BRAF: variants seen among roughly 807,000 people sequenced by gnomAD.
BRAF encodes the protein serine/threonine-protein kinase B-raf.
Under a neutral mutation model 104.6 loss-of-function variants are expected in BRAF, and 16 were observed. The observed-to-expected ratio is 0.15, with a 90% CI of 0.10 to 0.23. The LOEUF is 0.23. BRAF is among the 10% of genes least tolerant of loss of function. The pLI, the probability that BRAF is intolerant of heterozygous loss-of-function variation, is 1.00. For missense variants in BRAF, 541 were observed against 937.3 expected (o/e 0.58, Z 5.52); for synonymous variants, 310 against 341.6 (o/e 0.91, Z 1.02).
chr7:140,731,723 A>G (rs1795978736), intron 19 of BRAF: 1 of 152,224 alleles, frequency 6.6e-6, no homozygotes, highest in South Asian at 2.1e-4. Context: ...CTAGTGTAAT[A>G]CCTGAAAATA....
chr7:140,821,510 GC>G (rs779498995), intron 3 of BRAF, among the ~76,000 whole-genome samples: 3 of 149,698 alleles, frequency 2.0e-5, no homozygotes, highest in Non-Finnish European at 3.0e-5. Flanking sequence ...CACCATGTTG[GC>G]CAGGCTGGTC....
At chr7:140,916,226 T>A (rs573012159) in intron 1 of BRAF, among the ~76,000 whole-genome samples, 1 of 152,224 alleles carries the variant, frequency 6.6e-6, no homozygotes, top group Non-Finnish European at 1.5e-5. Flanking sequence ...CATTTTACAC[T>A]GTAGGGATAA....
intron 1 of BRAF, among the ~76,000 whole-genome samples, chr7:140,906,943 T>C (rs1165719273): frequency 2.6e-5 from 4 of 152,224 alleles, no homozygotes; most frequent in African/African-American, 9.6e-5. Flanking sequence ...CTTAAATCAA[T>C]CAACTGGTTT....
intron 3 of BRAF, among the ~76,000 whole-genome samples, chr7:140,811,629 C>A (rs1211530424): frequency 6.6e-6 from 1 of 152,132 alleles, no homozygotes; most frequent in African/African-American, 2.4e-5. Flanking sequence ...GCAAAGTAGG[C>A]AGGCTCTCAG....
chr7:140,870,034 AATC>A (rs1274096633), intron 1 of BRAF, among the ~76,000 whole-genome samples: 1 of 152,242 alleles, frequency 6.6e-6, no homozygotes, highest in African/African-American at 2.4e-5. Flanking sequence ...AGGAAAGAGT[AATC>A]ATCATTGCAT....
At chr7:140,757,523 C>G (rs576438087) in intron 14 of BRAF, among the ~76,000 whole-genome samples, 1 of 152,136 alleles carries the variant, frequency 6.6e-6, no homozygotes, top group Admixed American at 6.5e-5. Context: ...CTCTTGACCT[C>G]GTGATCTGCC....
At chr7:140,747,549 A>G in intron 17 of BRAF, 1 of 392,200 alleles carries the variant, frequency 2.5e-6, no homozygotes, top group South Asian at 2.6e-5. Context: ...TATTGTACTA[A>G]GATAAACGTA....
intron 3 of BRAF, among the ~76,000 whole-genome samples, chr7:140,816,644 C>A (rs1804912517): frequency 6.6e-6 from 1 of 152,014 alleles, no homozygotes; most frequent in African/African-American, 2.4e-5. Flanking sequence ...GTTTACAAAC[C>A]CCAGGGTATG....
intron 14 of BRAF, among the ~76,000 whole-genome samples, chr7:140,772,259 C>CA (rs1799916807): frequency 7.1e-6 from 1 of 141,494 alleles, no homozygotes. Flanking sequence ...CTGATTAAAA[C>CA]AGATTGTTTA....
chr7:140,737,731 A>G (rs1796557993), intron 18 of BRAF, among the ~76,000 whole-genome samples: 2 of 152,214 alleles, frequency 1.3e-5, no homozygotes, highest in Non-Finnish European at 2.9e-5. Context: ...CATATTTTAT[A>G]AAACATATAG....
At chr7:140,826,083 C>T (rs1267610) in intron 3 of BRAF, among the ~76,000 whole-genome samples, 62,628 of 152,012 alleles carry the variant, frequency 0.41, 18,081 homozygotes, top group African/African-American at 0.83. Flanking sequence ...TCTCTTTCTT[C>T]ACTTTCCAGA....
Position 140,924,612 on chromosome 7 carries a change from G to C in BRAF, c.92C>G (p.Ala31Gly), listed in dbSNP as rs397516906. 8.9e-5 allele frequency: 136 copies of C among 1,527,748 alleles called. No homozygotes were observed. The highest frequency in any genetic ancestry group is 1.1e-4 in the Non-Finnish European group (128 of 1,143,560). The allele number at this position is 1,527,748 out of a possible 1,614,324, so 94.6% of individuals were successfully genotyped here. ...CGCAGCCGAAGAGGCCGCGGCGCCGGCGCCGGCGCCGGCCTCGGGCTCCAT... is the reference window on the plus strand; with the variant it reads ...CGCAGCCGAAGAGGCCGCGGCGCCGCCGCCGGCGCCGGCCTCGGGCTCCAT... ...GDMEPEAGAG[A>G]GAAASSAADP... Residue 31 changes from alanine (A) to glycine (G), a missense_variant, in exon 1 of 20, where the codon GCC (alanine) becomes GGC (glycine). Ala to Gly is a moderately conservative substitution (Grantham distance 60, BLOSUM62 0). Transcript: ENST00000644969. The surrounding 1 kb of genome is among the most constrained non-coding windows in gnomAD (Gnocchi z 4.2).
rs1797822049 is a variant in BRAF at position 140,751,914 on chromosome 7, C to CCCCCT, written c.1980+1360_1980+1361insAGGGG. Among the ~76,000 whole-genome samples the CCCCCT allele has an allele frequency of 2.0e-5, 3 of 152,176 alleles. No homozygotes were observed. The South Asian group carries it at 6.2e-4, about 32-fold the overall frequency. The stretch of plus-strand genomic sequence containing the variant: ...AAGTTATTTAAAGCTTAGAATTGCA[C>CCCCCT]TAAGACTTTTGGAAAGGCTGTATTC... On this transcript the variant is annotated intron_variant, in intron 16 of 19. Transcript: ENST00000644969.
intron 3 of BRAF, among the ~76,000 whole-genome samples, chr7:140,833,624 C>A (rs777588540): frequency 1.3e-5 from 2 of 152,082 alleles, no homozygotes; most frequent in Non-Finnish European, 2.9e-5. Flanking sequence ...ATTTGTAATT[C>A]TGTACAATGA....
chr7:140,844,953 T>G (rs1808391335), intron 2 of BRAF, among the ~76,000 whole-genome samples: 2 of 150,208 alleles, frequency 1.3e-5, no homozygotes, highest in Admixed American at 6.6e-5. Context: ...GGATCCTGAA[T>G]AGCCAAAACA....
chr7:140,760,820 G>A (rs1472173542), intron 14 of BRAF, among the ~76,000 whole-genome samples: 7 of 152,174 alleles, frequency 4.6e-5, no homozygotes, highest in East Asian at 3.9e-4. Flanking sequence ...GAAATGAAGC[G>A]AGAAGGGAAG....
rs1367852296 is a variant in BRAF at position 140,863,193 on chromosome 7, A to T, written c.139-12981T>A. Among the ~76,000 whole-genome samples, 3 of 152,332 alleles carry T rather than the reference A, an allele frequency of 2.0e-5. No homozygotes were observed. The South Asian group carries it at 6.2e-4, about 32-fold the overall frequency. The stretch of plus-strand genomic sequence containing the variant: ...AAATGATTCACCAGGTTAAAAAAAA[A>T]AACTGATTTTTTAAGGCACTATTTT... On this transcript the variant is annotated intron_variant, in intron 1 of 19. Coordinates refer to ENST00000644969, the MANE Select transcript of BRAF (RefSeq NM_001374258.1).
intron 14 of BRAF, among the ~76,000 whole-genome samples, chr7:140,768,868 T>C (rs866865847): frequency 6.6e-6 from 1 of 152,146 alleles, no homozygotes; most frequent in Middle Eastern, 3.4e-3. Context: ...TTCTGCCCCT[T>C]TTGTGTGTGC....
At chr7:140,742,700 A>T (rs1211662174) in intron 17 of BRAF, among the ~76,000 whole-genome samples, 1 of 152,240 alleles carries the variant, frequency 6.6e-6, no homozygotes, top group East Asian at 1.9e-4. Context: ...AGCAATGGCA[A>T]CAAAAGCCAA....
Sources: gnomAD v4.1 joint callset for allele counts (sites outside exome capture counted in the v4.1 genomes callset) on GRCh38, gnomAD v4.1.1 for gene constraint, Gnocchi (gnomAD v3.1) non-coding constraint, MANE v1.5 for transcripts, NCBI Gene and HGNC (gene_info 2026-07-23, HGNC 2026-07-21) for gene names.